TAOK3: variants seen among roughly 807,000 people sequenced by gnomAD.
TAOK3 encodes TAO kinase 3.
Under a neutral mutation model 120.4 loss-of-function variants are expected in TAOK3, and 40 were observed. The ratio of observed to expected loss-of-function variants is 0.33; its 90% CI spans 0.26 to 0.43. The LOEUF is 0.43. TAOK3 is among the 20% of genes least tolerant of loss of function. The pLI, the probability that TAOK3 is intolerant of heterozygous loss-of-function variation, is 1.00. For missense variants in TAOK3, 821 were observed against 1,112.1 expected (o/e 0.74, Z 3.72); for synonymous variants, 355 against 387.5 (o/e 0.92, Z 0.99).
chr12:118,322,702 T>TA (rs1272378836), intron 1 of TAOK3, among the ~76,000 whole-genome samples: 1 of 148,914 alleles, frequency 6.7e-6, no homozygotes, highest in Non-Finnish European at 1.5e-5. Context: ...CCCCAAACAT[T>TA]AAAAAATTTA....
chr12:118,316,041 G>C (rs2043444487), intron 1 of TAOK3, among the ~76,000 whole-genome samples: 1 of 152,126 alleles, frequency 6.6e-6, no homozygotes, highest in South Asian at 2.1e-4. Context: ...AGATCCCAAG[G>C]GGAATGTAAT....
intron 6 of TAOK3, among the ~76,000 whole-genome samples, chr12:118,238,686 G>C (rs1027023565): frequency 6.6e-6 from 1 of 151,044 alleles, no homozygotes; most frequent in Non-Finnish European, 1.5e-5. Context: ...CCAGGCTGGA[G>C]TGCAGTGTTT....
chr12:118,209,466 A>T (rs2038505805), intron 11 of TAOK3, among the ~76,000 whole-genome samples: 1 of 151,998 alleles, frequency 6.6e-6, no homozygotes, highest in Non-Finnish European at 1.5e-5. Flanking sequence ...GCAGGGGCAC[A>T]ATCTCGGCTC....
chr12:118,336,266 A>G lies in TAOK3; in HGVS notation c.-194+36382T>C, dbSNP rs184412325. 6.5e-4 allele frequency among the ~76,000 whole-genome samples: 99 copies of G among 152,326 alleles called. No homozygotes were observed. The South Asian group carries it at 7.9e-3, about 12-fold the overall frequency. On this transcript the variant is annotated intron_variant, in intron 1 of 20. Transcript: ENST00000392533. ...AATATAGGTCTACTGAACAGAATAA[A>G]GAAAGAACCCAGAAATAGACATACA...
chr12:118,352,497 T>A (rs1229041316), intron 1 of TAOK3, among the ~76,000 whole-genome samples: 3 of 149,924 alleles, frequency 2.0e-5, no homozygotes, highest in Admixed American at 6.6e-5. Flanking sequence ...ACAGCGAGAC[T>A]CTGTCTCAAA....
intron 1 of TAOK3, among the ~76,000 whole-genome samples, chr12:118,280,224 C>A (rs1187066745): frequency 1.3e-5 from 2 of 152,072 alleles, no homozygotes; most frequent in African/African-American, 4.8e-5. Context: ...CTACGCCCAG[C>A]TAATTTTTGT....
At chr12:118,328,595 A>G (rs1566124945) in intron 1 of TAOK3, among the ~76,000 whole-genome samples, 1 of 152,210 alleles carries the variant, frequency 6.6e-6, no homozygotes, top group Non-Finnish European at 1.5e-5. Context: ...GTATTTTACT[A>G]TTAAAAAAAC....
At chr12:118,352,462 G>A (rs1307232016) in intron 1 of TAOK3, among the ~76,000 whole-genome samples, 2 of 150,102 alleles carry the variant, frequency 1.3e-5, no homozygotes, top group Non-Finnish European at 3.0e-5. Flanking sequence ...CCAAGATTGC[G>A]CCACTGCACT....
rs2039098847 is a variant in TAOK3 at position 118,219,206 on chromosome 12, G to A, written c.644-5096C>T. Among the ~76,000 whole-genome samples, 4 of 152,116 alleles carry A rather than the reference G, an allele frequency of 2.6e-5. No individual in the cohort carries two copies. In the South Asian group the frequency reaches 8.3e-4, roughly 32 times the overall value. On this transcript the variant is annotated intron_variant, in intron 9 of 20. Coordinates refer to ENST00000392533, the MANE Select transcript of TAOK3 (RefSeq NM_016281.4). ...TTCACAAATGCTGTTTTCTTGGTCT[G>A]GACACCCCTCTCCCTTTTGCTCCCT...
intron 5 of TAOK3, among the ~76,000 whole-genome samples, chr12:118,240,542 C>T (rs921483931): frequency 6.6e-6 from 1 of 151,490 alleles, no homozygotes; most frequent in Non-Finnish European, 1.5e-5. Context: ...GACGGGGTTT[C>T]ACCATGTTGG....
At chr12:118,287,020 G>C (rs776163545) in intron 1 of TAOK3, among the ~76,000 whole-genome samples, 1 of 152,246 alleles carries the variant, frequency 6.6e-6, no homozygotes, top group Middle Eastern at 3.4e-3. Flanking sequence ...TAAGCTAAGA[G>C]GATGCAAAAG....
intron 2 of TAOK3, among the ~76,000 whole-genome samples, chr12:118,266,074 T>C (rs1249188810): frequency 2.0e-5 from 3 of 152,124 alleles, no homozygotes; most frequent in Non-Finnish European, 4.4e-5. Context: ...AATTTGACAA[T>C]AGGAATCAAG....
chr12:118,205,849 G>C (rs2038275424), intron 11 of TAOK3, among the ~76,000 whole-genome samples: 1 of 151,840 alleles, frequency 6.6e-6, no homozygotes, highest in Non-Finnish European at 1.5e-5. Context: ...GACCTTAGGT[G>C]ATCCACCCAC....
At chr12:118,165,542 C>G (rs2035523579) in intron 17 of TAOK3, among the ~76,000 whole-genome samples, 2 of 152,208 alleles carry the variant, frequency 1.3e-5, no homozygotes, top group Non-Finnish European at 2.9e-5. Flanking sequence ...GGACTAGTCT[C>G]TATAACAAGC....
chr12:118,208,604 A>C (rs1303397180), intron 11 of TAOK3, among the ~76,000 whole-genome samples: 1 of 152,176 alleles, frequency 6.6e-6, no homozygotes, highest in Non-Finnish European at 1.5e-5. Context: ...TCACGGTGGG[A>C]CTATAAATTG....
In TAOK3 at chr12:118,151,285, GCGCGCACA is replaced by G. The variant is rs1289170601; in HGVS notation, c.2536-135_2536-128del. On this transcript the variant is annotated intron_variant, in intron 20 of 20. Coordinates refer to ENST00000392533, the MANE Select transcript of TAOK3 (RefSeq NM_016281.4). ...ATAGGCACACACATGAAGTGCGCGC[GCGCGCACA>G]CACACACACACACACACACACACAC... 53 of 612,168 alleles carry G rather than the reference GCGCGCACA, an allele frequency of 8.7e-5. 1 individual carries two copies. The highest frequency in any genetic ancestry group is 4.2e-4 in the Middle Eastern group (1 of 2,384). 37.9% of individuals were successfully genotyped at this position (612,168 alleles called of 1,614,324 possible). A position where few individuals can be genotyped will look rare whatever the true frequency, so the allele number is the denominator to read the frequency against.
At chr12:118,224,774 T>C (rs971349515) in intron 9 of TAOK3, among the ~76,000 whole-genome samples, 2 of 152,196 alleles carry the variant, frequency 1.3e-5, no homozygotes, top group Non-Finnish European at 2.9e-5. Context: ...ATCATCCTGC[T>C]TTTTGATGCC....
intron 1 of TAOK3, among the ~76,000 whole-genome samples, chr12:118,281,841 TAA>T (rs1491108287): frequency 6.6e-6 from 1 of 152,094 alleles, no homozygotes; most frequent in Non-Finnish European, 1.5e-5. Flanking sequence ...CATTTAGTAA[TAA>T]GAGAGAGACA....
rs1419291970 is a variant in TAOK3 at position 118,344,153 on chromosome 12, CTTCA to C, written c.-194+28491_-194+28494del. ...CTGTTTCTTTTATTGTTTAGATTGACTTCATTCATTTTCTCCCAGAGCCCCTAAT... is the reference window on the plus strand; with the variant it reads ...CTGTTTCTTTTATTGTTTAGATTGACTTCATTTTCTCCCAGAGCCCCTAAT... On this transcript the variant is annotated intron_variant, in intron 1 of 20. Coordinates refer to ENST00000392533, the MANE Select transcript of TAOK3 (RefSeq NM_016281.4). 6.6e-5 allele frequency among the ~76,000 whole-genome samples: 10 copies of C among 150,438 alleles called. No individual in the cohort carries two copies. In the East Asian group the frequency reaches 1.9e-3, roughly 29 times the overall value.
Sources: gnomAD v4.1 joint callset for allele counts (sites outside exome capture counted in the v4.1 genomes callset) on GRCh38, gnomAD v4.1.1 for gene constraint, MANE v1.5 for transcripts, NCBI Gene and HGNC (gene_info 2026-07-23, HGNC 2026-07-21) for gene names.